The following IGSF11 variants were observed in gnomAD, a reference collection of about 807,000 sequenced individuals.
IGSF11 encodes immunoglobulin superfamily member 11.
Under a neutral mutation model 41.0 loss-of-function variants are expected in IGSF11, and 22 were observed. The observed-to-expected ratio is 0.54, with a 90% CI of 0.38 to 0.77. IGSF11 has a LOEUF of 0.77. Among genes scored for constraint, IGSF11 ranks in the 30% least tolerant of loss-of-function variants. The pLI is 0.00. For missense variants in IGSF11, 444 were observed against 530.8 expected (o/e 0.84, Z 1.61); for synonymous variants, 219 against 201.3 (o/e 1.09, Z -0.74).
intron 1 of IGSF11, among the ~76,000 whole-genome samples, chr3:118,981,123 T>C (rs1264231232): frequency 2.1e-4 from 32 of 152,208 alleles, no homozygotes; most frequent in Non-Finnish European, 8.8e-5. Context: ...TCTTCCACTG[T>C]AGCAAATTCT....
chr3:118,945,181 C>T (rs2107567642), intron 1 of IGSF11, among the ~76,000 whole-genome samples: 1 of 151,978 alleles, frequency 6.6e-6, no homozygotes, highest in South Asian at 2.1e-4. Flanking sequence ...CAAAAAATAA[C>T]CTAACATACA....
At chr3:119,083,847 G>C (rs1392424748) in intron 1 of IGSF11, among the ~76,000 whole-genome samples, 1 of 152,108 alleles carries the variant, frequency 6.6e-6, no homozygotes, top group Non-Finnish European at 1.5e-5. Context: ...TTCTTTTAGA[G>C]TATACTCCTT....
Position 119,080,761 on chromosome 3 carries a change from G to A in IGSF11, c.49+24383C>T, listed in dbSNP as rs1576774544. 2.6e-5 allele frequency among the ~76,000 whole-genome samples: 4 copies of A among 152,236 alleles called. No individual in the cohort carries two copies. In the South Asian group the frequency reaches 8.3e-4, roughly 32 times the overall value. The stretch of plus-strand genomic sequence containing the variant: ...ACCAAAGAGCACAATTATTATAGCA[G>A]CTAATTGTAACTTTCTTATCCTAAG... On this transcript the variant is annotated intron_variant, in intron 1 of 6. Coordinates refer to the IGSF11 transcript ENST00000354673.
intron 1 of IGSF11, among the ~76,000 whole-genome samples, chr3:119,055,826 A>G (rs1169624291): frequency 6.6e-6 from 1 of 152,192 alleles, no homozygotes; most frequent in Non-Finnish European, 1.5e-5. Context: ...CTCACTCAAA[A>G]CAGCTCAACT....
chr3:118,982,071 T>C (rs1934781373), intron 1 of IGSF11: 1 of 152,214 alleles, frequency 6.6e-6, no homozygotes, highest in South Asian at 2.1e-4. Flanking sequence ...TGGACACAAG[T>C]CAGGCACGAA....
intron 1 of IGSF11, among the ~76,000 whole-genome samples, chr3:118,930,805 C>T (rs974212710): frequency 1.3e-5 from 2 of 152,134 alleles, no homozygotes; most frequent in Non-Finnish European, 2.9e-5. Context: ...TGCCAATTGT[C>T]CCTAAATTGA....
intron 1 of IGSF11, among the ~76,000 whole-genome samples, chr3:119,114,282 G>A (rs920666879): frequency 3.9e-5 from 6 of 152,214 alleles, no homozygotes; most frequent in African/African-American, 1.2e-4. Context: ...ACATGGCCAA[G>A]CTGCAAATTT....
chr3:118,904,700 A>C lies in IGSF11; in HGVS notation c.802T>G (p.Trp268Gly). Reference protein sequence around the residue: ...IALILGAFFYWRSKNKEEEEE... With the variant: ...IALILGAFFYGRSKNKEEEEE... ...TCCTCCTCTTTATTTTTGCTTCTCCAGTAAAAGAATGCCCCTAAAATTAGT... is the reference window on the plus strand; with the variant it reads ...TCCTCCTCTTTATTTTTGCTTCTCCCGTAAAAGAATGCCCCTAAAATTAGT... The change falls in exon 6 of 7, where the codon TGG becomes GGG. Residue 268 changes from tryptophan to glycine, a missense_variant. This residue lies in a region of IGSF11 where 223 missense variants were observed against 226.2 expected (regional missense o/e 0.99). Transcript: ENST00000393775. 6.2e-7 allele frequency: 1 copy of C among 1,612,656 alleles called. No individual in the cohort carries two copies. Among genetic ancestry groups the C allele is most frequent in the Non-Finnish European group, 8.5e-7 (1 of 1,178,932 alleles).
chr3:118,974,305 T>A (rs1289490217), intron 1 of IGSF11, among the ~76,000 whole-genome samples: 2 of 152,104 alleles, frequency 1.3e-5, no homozygotes, highest in Non-Finnish European at 2.9e-5. Context: ...AAAAATGTAT[T>A]TGGTGGACAC....
At position 119,080,856 on chromosome 3, in the gene IGSF11, C is replaced by T. The variant is rs78534531; in HGVS notation, c.49+24288G>A. On this transcript the variant is annotated intron_variant, in intron 1 of 6. Transcript: ENST00000354673. ...TAGCTCAGACCTAGGGTGACAGTTG[C>T]TTTTTATCCCAGTTTAACTAATTCC... 2.2e-3 allele frequency among the ~76,000 whole-genome samples: 336 copies of T among 152,188 alleles called. 3 individuals carry two copies. Among genetic ancestry groups the T allele is most frequent in the African/African-American group, 7.4e-3 (308 of 41,544 alleles).
At chr3:118,955,219 T>TACACACACACAC (rs34044399) in intron 1 of IGSF11, among the ~76,000 whole-genome samples, 2 of 144,506 alleles carry the variant, frequency 1.4e-5, no homozygotes, top group African/African-American at 5.0e-5. Flanking sequence ...TATATGTACA[T>TACACACACACAC]ACACACACAC....
chr3:119,116,326 T>C (rs1459208695), intron 1 of IGSF11, among the ~76,000 whole-genome samples: 1 of 152,148 alleles, frequency 6.6e-6, no homozygotes, highest in East Asian at 1.9e-4. Context: ...TTTATACCAC[T>C]GGCTCCCCTG....
intron 1 of IGSF11, among the ~76,000 whole-genome samples, chr3:118,999,909 G>A (rs528760119): frequency 4.6e-4 from 70 of 152,156 alleles, no homozygotes; most frequent in Admixed American, 1.1e-3. Context: ...ACCCAGAGTT[G>A]TTGGAAAACA....
intron 3 of IGSF11, among the ~76,000 whole-genome samples, chr3:118,927,578 A>T (rs1252964872): frequency 6.6e-6 from 1 of 152,198 alleles, no homozygotes; most frequent in Admixed American, 6.5e-5. Flanking sequence ...GGAAAATGAC[A>T]AGAATTCCCA....
intron 1 of IGSF11, among the ~76,000 whole-genome samples, chr3:119,086,850 T>A (rs1432699448): frequency 6.6e-6 from 1 of 152,124 alleles, no homozygotes; most frequent in Non-Finnish European, 1.5e-5. Flanking sequence ...CTTAATCAAG[T>A]CTACATAACA....
At chr3:119,029,271 CACACCCGAGAGAGAGAGAGAATG>C (rs2107730356) in intron 1 of IGSF11, among the ~76,000 whole-genome samples, 4 of 147,886 alleles carry the variant, frequency 2.7e-5, no homozygotes, top group African/African-American at 9.9e-5. Context: ...CACACACACA[CACACCCGAGAGAGAGAGAGAATG>C]CGAGAGAGAG....
intron 1 of IGSF11, among the ~76,000 whole-genome samples, chr3:119,075,340 C>A (rs1051536330): frequency 2.0e-5 from 3 of 152,020 alleles, no homozygotes; most frequent in Non-Finnish European, 2.9e-5. Context: ...TAATAAAAAA[C>A]CTACCAAGCA....
intron 1 of IGSF11, among the ~76,000 whole-genome samples, chr3:119,063,033 G>C (rs1184364522): frequency 6.6e-6 from 1 of 152,072 alleles, no homozygotes; most frequent in East Asian, 1.9e-4. Context: ...ATTGTAATAG[G>C]GTTTTACAGT....
chr3:119,096,212 G>C (rs2076847987), intron 1 of IGSF11, among the ~76,000 whole-genome samples: 1 of 152,018 alleles, frequency 6.6e-6, no homozygotes, highest in Non-Finnish European at 1.5e-5. Flanking sequence ...GGTACCTACT[G>C]GTGGGCATAC....
Sources: allele counts gnomAD v4.1 joint callset (sites outside exome capture counted in the v4.1 genomes callset), GRCh38; gene constraint gnomAD v4.1.1; regional missense constraint gnomAD v4.1.1; transcripts MANE v1.5; gene names NCBI Gene and HGNC (gene_info 2026-07-23, HGNC 2026-07-21).